The following GPR37L1 variants were observed in gnomAD, a reference collection of about 807,000 sequenced individuals.
GPR37L1 encodes the protein G protein-coupled receptor 37 like 1, also known as G protein-coupled receptor 37-like 1.
In GPR37L1, 18 loss-of-function variants were observed where a neutral mutation model predicts 18.0. The ratio of observed to expected loss-of-function variants is 1.00; its 90% CI spans 0.69 to 1.49. GPR37L1 has a LOEUF of 1.49. Ranked by LOEUF, GPR37L1 falls within the 40% of genes most tolerant of loss-of-function variation. The pLI, the probability that GPR37L1 is intolerant of heterozygous loss-of-function variation, is 0.00. For missense variants in GPR37L1, 558 were observed against 615.1 expected (o/e 0.91, Z 0.98); for synonymous variants, 256 against 273.9 (o/e 0.93, Z 0.65).
At chr1:202,126,868 T>TGTGTGTGTGTGC (rs984736079) in intron 1 of GPR37L1, among the ~76,000 whole-genome samples, 2 of 151,008 alleles carry the variant, frequency 1.3e-5, no homozygotes, top group Admixed American at 1.3e-4. Flanking sequence ...TGTGTGTGTG[T>TGTGTGTGTGTGC]GCACGCGTAA....
rs1654871812 is a variant in GPR37L1, at chr1:202,132,009, TA to T, written c.*3454del. ...CCTCGGGCTCCCAAAGTACTGGGAT[TA>T]CAGGCATGAGCACCTGGCCCCTGAA... On this transcript the variant is annotated 3_prime_UTR_variant, in exon 2 of 2. Coordinates refer to ENST00000367282, the MANE Select transcript of GPR37L1 (RefSeq NM_004767.5). 1.3e-5 allele frequency: 2 copies of T among 152,272 alleles called. No homozygotes were observed. 9.4% of individuals were successfully genotyped at this position (152,272 alleles called of 1,614,324 possible).
At position 202,131,655 on chromosome 1, in the gene GPR37L1, T is replaced by A. The variant is rs1249981522; in HGVS notation, c.*3099T>A. On this transcript the variant is annotated 3_prime_UTR_variant, in exon 2 of 2. Coordinates refer to ENST00000367282, the MANE Select transcript of GPR37L1 (RefSeq NM_004767.5). ...GTCTCACTATGTTGCCCAGGCTGGCTTTGAACTCCTGGGCTCAAGCAGTCC... is the reference window on the plus strand; with the variant it reads ...GTCTCACTATGTTGCCCAGGCTGGCATTGAACTCCTGGGCTCAAGCAGTCC... The A allele has an allele frequency of 1.3e-5, 2 of 151,062 alleles. No individual in the cohort carries two copies. Among genetic ancestry groups the A allele is most frequent in the Non-Finnish European group, 3.0e-5 (2 of 67,728 alleles). The allele number at this position is 151,062 out of a possible 1,614,324, so 9.4% of individuals were successfully genotyped here. A position where few individuals can be genotyped will look rare whatever the true frequency, so the allele number is the denominator to read the frequency against.
intron 1 of GPR37L1, among the ~76,000 whole-genome samples, chr1:202,127,315 C>T (rs948380877): frequency 1.6e-4 from 23 of 148,290 alleles, no homozygotes; most frequent in Non-Finnish European, 2.1e-4. Context: ...TCTTTCCTTC[C>T]TTCCTTCCTT....
rs1444014818 is a variant in GPR37L1 at position 202,123,581 on chromosome 1, G to A, written c.618G>A (p.Val206=). The A allele has an allele frequency of 6.3e-7, 1 of 1,584,878 alleles. No individual in the cohort carries two copies. Among genetic ancestry groups the A allele is most frequent in the Non-Finnish European group, 8.6e-7 (1 of 1,166,040 alleles). ...RLLGDVSCRA[V]PFMEVSSLGV... Reference sequence around the variant, plus strand: ...TGGGTGACGTTTCTTGTCGTGCCGTGCCCTTCATGGAGGTGAGTGTGTGTT... The same window carrying A: ...TGGGTGACGTTTCTTGTCGTGCCGTACCCTTCATGGAGGTGAGTGTGTGTT... The change falls in exon 1 of 2, where the codon GTG becomes GTA. Residue 206 remains valine (V), a synonymous_variant. Coordinates refer to ENST00000367282, the MANE Select transcript of GPR37L1 (RefSeq NM_004767.5).
chr1:202,128,337 C>T lies in GPR37L1; in HGVS notation c.1227C>T (p.Gly409=), dbSNP rs141976956. Residue 409 remains glycine (G), a synonymous_variant, in exon 2 of 2, where the codon GGC becomes GGT. Coordinates refer to ENST00000367282, the MANE Select transcript of GPR37L1 (RefSeq NM_004767.5). ...LINQFSTFFK[G]AITPVLLLCI... is the part of the protein sequence containing the mutation. ...ACCAGTTCTCCACCTTCTTCAAGGG[C>T]GCCATCACCCCAGTGCTGCTCCTTT... The T allele has an allele frequency of 7.5e-5, 121 of 1,614,178 alleles. 1 individual carries two copies. The African/African-American group carries it at 1.3e-3, about 17-fold the overall frequency.
chr1:202,123,970 T>C (rs934167456), intron 1 of GPR37L1, among the ~76,000 whole-genome samples: 4 of 152,100 alleles, frequency 2.6e-5, no homozygotes, highest in African/African-American at 2.4e-5. Flanking sequence ...TTGTTGTGAC[T>C]CCTCTTCTTT....
chr1:202,127,653 G>A, intron 1 of GPR37L1, 88 bp from the exon 2 acceptor site: 1 of 900,118 alleles, frequency 1.1e-6, no homozygotes, highest in Non-Finnish European at 1.7e-6. Context: ...TCAATTCATG[G>A]TCTAACTGAG....
rs2147806317 is a variant in GPR37L1 at position 202,128,184 on chromosome 1, C to T, written c.1074C>T (p.Asn358=). 1 of 1,613,994 alleles carries T rather than the reference C, an allele frequency of 6.2e-7. No individual in the cohort carries two copies. The highest frequency in any genetic ancestry group is 8.5e-7 in the Non-Finnish European group (1 of 1,180,012). Reference sequence around the variant, plus strand: ...ACGAGCAGTGTGAGAGCCAGCTCAACAGCACCGTGGTGGGCCTGACCGTGG... The same window carrying T: ...ACGAGCAGTGTGAGAGCCAGCTCAATAGCACCGTGGTGGGCCTGACCGTGG... ...SKHEQCESQL[N]STVVGLTVVY... The change falls in exon 2 of 2, where the codon AAC becomes AAT. Residue 358 remains asparagine, a synonymous_variant. Transcript: ENST00000367282.
At position 202,123,045 on chromosome 1, in the gene GPR37L1, C is replaced by A. The variant is rs770447580; in HGVS notation, c.82C>A (p.Leu28Met). The A allele has an allele frequency of 1.9e-6, 3 of 1,613,722 alleles. No homozygotes were observed. The highest frequency in any genetic ancestry group is 1.1e-5 in the South Asian group (1 of 91,050). The change falls in exon 1 of 2, where the codon CTG becomes ATG. Residue 28 changes from leucine to methionine, a missense_variant. Transcript: ENST00000367282. ...GLSRVSGGAP[L>M]HLGRHRAETQ... ...AAGCAGGGTCTCTGGGGGTGCCCCC[C>A]TGCACCTGGGCAGGCACAGAGCCGA...
intron 1 of GPR37L1, among the ~76,000 whole-genome samples, chr1:202,126,027 C>T: frequency 6.6e-6 from 1 of 152,168 alleles, no homozygotes; most frequent in East Asian, 1.9e-4. Context: ...CAGCAACACC[C>T]TTTTATAGGG....
At chr1:202,125,514 T>C (rs1263917514) in intron 1 of GPR37L1, among the ~76,000 whole-genome samples, 2 of 152,156 alleles carry the variant, frequency 1.3e-5, no homozygotes, top group Non-Finnish European at 2.9e-5. Flanking sequence ...TGCATGTGGC[T>C]GGTAGGTCAA....
Position 202,128,861 on chromosome 1 carries a change from GTCTCTCTTCTC to G in GPR37L1, c.*313_*323del, listed in dbSNP as rs1299732242. ...CTTTGCCTGCCCTCCCTTGGTTCCA[GTCTCTCTTCTC>G]TCTCTCTGCCTTGGAACCTGACCAT... is the stretch of plus-strand genomic sequence containing the variant. On this transcript the variant is annotated 3_prime_UTR_variant, in exon 2 of 2. Transcript: ENST00000367282. 1 of 306,808 alleles carries G rather than the reference GTCTCTCTTCTC, an allele frequency of 3.3e-6. No homozygotes were observed. The highest frequency in any genetic ancestry group is 6.0e-6 in the Non-Finnish European group (1 of 166,544). 19.0% of individuals were successfully genotyped at this position (306,808 alleles called of 1,614,324 possible). A position where few individuals can be genotyped will look rare whatever the true frequency, so the allele number is the denominator to read the frequency against.
chr1:202,130,416 C>T lies in GPR37L1; in HGVS notation c.*1860C>T, dbSNP rs1457906569. 1 of 152,402 alleles carries T rather than the reference C, an allele frequency of 6.6e-6. No individual in the cohort carries two copies. Among genetic ancestry groups the T allele is most frequent in the African/African-American group, 2.4e-5 (1 of 41,416 alleles). The allele number at this position is 152,402 out of a possible 1,614,324, so 9.4% of individuals were successfully genotyped here. ...TGTCCACCCACCCACACCCCTTGGC[C>T]TCAGCCTGCCCTGTACCCAAGCTTC... On this transcript the variant is annotated 3_prime_UTR_variant, in exon 2 of 2. Transcript: ENST00000367282.
Position 202,128,530 on chromosome 1 carries a change from C to T in GPR37L1, c.1420C>T (p.Leu474Phe), listed in dbSNP as rs534860277. Residue 474 changes from leucine to phenylalanine, a missense_variant, in exon 2 of 2, where the codon CTC becomes TTC. By Grantham distance (22) the Leu-to-Phe change is conservative. Transcript: ENST00000367282. Reference sequence around the variant, plus strand: ...CCACAAGCCCAGGGAGTCACCCCCACTCCTGCCCCTGGGCACACCTTGCTG... The same window carrying T: ...CCACAAGCCCAGGGAGTCACCCCCATTCCTGCCCCTGGGCACACCTTGCTG... Reference protein sequence around the residue: ...YFHKPRESPPLLPLGTPC With the variant: ...YFHKPRESPPFLPLGTPC The T allele has an allele frequency of 8.6e-5, 136 of 1,581,168 alleles. No homozygotes were observed. Among genetic ancestry groups the T allele is most frequent in the Non-Finnish European group, 9.6e-5 (112 of 1,161,332 alleles).
Position 202,128,157 on chromosome 1 carries a change from G to T in GPR37L1, c.1047G>T (p.Lys349Asn), listed in dbSNP as rs372386575. 4.3e-5 allele frequency: 70 copies of T among 1,613,940 alleles called. No individual in the cohort carries two copies. The Middle Eastern group carries it at 8.2e-4, about 19-fold the overall frequency. The change falls in exon 2 of 2, where the codon AAG becomes AAT. Residue 349 changes from lysine to asparagine, a missense_variant. Lys to Asn is a moderately conservative substitution (Grantham distance 94). Coordinates refer to ENST00000367282, the MANE Select transcript of GPR37L1 (RefSeq NM_004767.5). ...PGRKSECRASKHEQCESQLNS... is the reference protein window; with the variant it reads ...PGRKSECRASNHEQCESQLNS... ...GGAAGTCAGAGTGCAGGGCCAGCAA[G>T]CACGAGCAGTGTGAGAGCCAGCTCA...
In GPR37L1 at chr1:202,123,390, G is replaced by T; in HGVS notation, c.427G>T (p.Val143Leu). ...GCTTCTGGCGCTGGTGGTGTTTGCG[G>T]TGGGCATTGTGGGCAACCTGTCGGT... ...IMLLALVVFA[V>L]GIVGNLSVMC... Residue 143 changes from valine (V) to leucine (L), a missense_variant, in exon 1 of 2, where the codon GTG becomes TTG. Coordinates refer to ENST00000367282, the MANE Select transcript of GPR37L1 (RefSeq NM_004767.5). 1 of 1,614,180 alleles carries T rather than the reference G, an allele frequency of 6.2e-7. No individual in the cohort carries two copies. The highest frequency in any genetic ancestry group is 1.3e-5 in the African/African-American group (1 of 75,042).
chr1:202,126,707 C>T (rs1036113572), intron 1 of GPR37L1, among the ~76,000 whole-genome samples: 1 of 152,118 alleles, frequency 6.6e-6, no homozygotes, highest in Non-Finnish European at 1.5e-5. Context: ...CCTCTTGGCT[C>T]ACAGGGTGGT....
At position 202,127,793 on chromosome 1, in the gene GPR37L1, G is replaced by A. The variant is rs1401203532; in HGVS notation, c.683G>A (p.Arg228His). Residue 228 changes from arginine to histidine, a missense_variant, in exon 2 of 2, where the codon CGC becomes CAC. By Grantham distance (29) the Arg-to-His change is conservative (BLOSUM62 0). Transcript: ENST00000367282. Reference sequence around the variant, plus strand: ...AGCCTCTGTGCCCTGGGCATTGACCGCTTCCACGTGGCCACCAGCACCCTG... The same window carrying A: ...AGCCTCTGTGCCCTGGGCATTGACCACTTCCACGTGGCCACCAGCACCCTG... ...TFSLCALGID[R>H]FHVATSTLPK... 4.4e-6 allele frequency: 7 copies of A among 1,607,640 alleles called. No homozygotes were observed. The highest frequency in any genetic ancestry group is 4.0e-5 in the African/African-American group (3 of 74,790).
chr1:202,126,225 T>G (rs557911374), intron 1 of GPR37L1, among the ~76,000 whole-genome samples: 131 of 152,134 alleles, frequency 8.6e-4, no homozygotes, highest in African/African-American at 3.1e-3. Context: ...CTGGCCAACA[T>G]GGTGAAACCC....
Sources: allele counts gnomAD v4.1 joint callset (sites outside exome capture counted in the v4.1 genomes callset), GRCh38; gene constraint gnomAD v4.1.1; transcripts MANE v1.5; gene names NCBI Gene and HGNC (gene_info 2026-07-23, HGNC 2026-07-21).